Variants in IL22RA1 observed in about 807,000 individuals in gnomAD.
IL22RA1 encodes the protein interleukin-22 receptor subunit alpha-1.
Under a neutral mutation model 32.8 loss-of-function variants are expected in IL22RA1, and 25 were observed. The ratio of observed to expected loss-of-function variants is 0.76; its 90% CI spans 0.55 to 1.06. IL22RA1 has a LOEUF of 1.06. Ranked by LOEUF, IL22RA1 falls within the 50% of genes least tolerant of loss-of-function variation. IL22RA1 has a pLI of 0.00. For missense variants in IL22RA1, 709 were observed against 727.4 expected (o/e 0.97, Z 0.29); for synonymous variants, 305 against 305.0 (o/e 1.00, Z 0.00).
rs773039711 is a variant in IL22RA1 at position 24,138,617 on chromosome 1, G to A, written c.141C>T (p.Gly47=). ...NILTWDSGPE[G]TPDTVYSIEY... is the part of the protein sequence containing the mutation. ...CGATGCTGTAGACCGTGTCTGGGGT[G>A]CCCTCCGGCCCGCTGTCCCACGTCA... is the stretch of plus-strand genomic sequence containing the variant. The change falls in exon 2 of 7, where the codon GGC becomes GGT. Residue 47 remains glycine (G), a synonymous_variant. Coordinates refer to ENST00000270800, the MANE Select transcript of IL22RA1 (RefSeq NM_021258.4). The A allele has an allele frequency of 1.2e-6, 2 of 1,614,154 alleles. No homozygotes were observed. The highest frequency in any genetic ancestry group is 2.2e-5 in the South Asian group (2 of 91,084).
chr1:24,142,376 GTC>G (rs2148577305), intron 1 of IL22RA1, among the ~76,000 whole-genome samples: 1 of 152,356 alleles, frequency 6.6e-6, no homozygotes, highest in Admixed American at 6.5e-5. Context: ...CAGAGAGAGA[GTC>G]TAGGGTCTCA....
Position 24,143,140 on chromosome 1 carries a change from T to C in IL22RA1, c.-58A>G. The C allele has an allele frequency of 8.0e-7, 1 of 1,244,446 alleles. No individual in the cohort carries two copies. The highest frequency in any genetic ancestry group is 5.1e-5 in the East Asian group (1 of 19,540). The allele number at this position is 1,244,446 out of a possible 1,614,324, so 77.1% of individuals were successfully genotyped here. A position where few individuals can be genotyped will look rare whatever the true frequency, so the allele number is the denominator to read the frequency against. The stretch of plus-strand genomic sequence containing the variant: ...ACTCTGCCGTGCACAGAGAGAGGGC[T>C]GGGAGTCTTGGCGCCCTGGCAGCTG... On this transcript the variant is annotated 5_prime_UTR_variant, in exon 1 of 7. Coordinates refer to ENST00000270800, the MANE Select transcript of IL22RA1 (RefSeq NM_021258.4).
intron 5 of IL22RA1, among the ~76,000 whole-genome samples, chr1:24,127,380 T>C (rs1405323584): frequency 6.6e-6 from 1 of 151,690 alleles, no homozygotes; most frequent in African/African-American, 2.4e-5. Flanking sequence ...GGTGCAAACA[T>C]AGCTCTTTGC....
intron 6 of IL22RA1, among the ~76,000 whole-genome samples, chr1:24,122,045 G>A (rs907598513): frequency 7.9e-5 from 12 of 152,174 alleles, no homozygotes; most frequent in African/African-American, 2.2e-4. Flanking sequence ...GTTGCCTTGG[G>A]GCATGATCTC....
At chr1:24,132,131 C>A (rs142229208) in intron 4 of IL22RA1, among the ~76,000 whole-genome samples, 1 of 152,198 alleles carries the variant, frequency 6.6e-6, no homozygotes, top group Non-Finnish European at 1.5e-5. Context: ...GTTTATCTCC[C>A]GGGGTCCCTC....
At chr1:24,132,218 C>G (rs1644210171) in intron 4 of IL22RA1, among the ~76,000 whole-genome samples, 1 of 152,208 alleles carries the variant, frequency 6.6e-6, no homozygotes, top group East Asian at 1.9e-4. Flanking sequence ...CCCAGGGATG[C>G]AAGTGCAATA....
chr1:24,128,186 C>A lies in IL22RA1; in HGVS notation c.625G>T (p.Ala209Ser), dbSNP rs34379702. 1.7e-3 allele frequency: 2,755 copies of A among 1,597,466 alleles called. 45 individuals carry two copies. The African/African-American group carries it at 0.031, about 18-fold the overall frequency. ...CACATGTAGGGGGCACTCTCCTTGGCCCAGGTGGGAACGCAAATCATGATG... is the reference window on the plus strand; with the variant it reads ...CACATGTAGGGGGCACTCTCCTTGGACCAGGTGGGAACGCAAATCATGATG... ...GTIMICVPTW[A>S]KESAPYMCRV... Residue 209 changes from alanine to serine, a missense_variant, in exon 5 of 7, where the codon GCC becomes TCC. Transcript: ENST00000270800.
At position 24,142,889 on chromosome 1, in the gene IL22RA1, T is replaced by C. The variant is rs1451343401; in HGVS notation, c.43+151A>G. ...CCAGCAAACTAAGCTGGGCATTTGCTTCTCCGTGAACACCCGGCACCCTGC... is the reference window on the plus strand; with the variant it reads ...CCAGCAAACTAAGCTGGGCATTTGCCTCTCCGTGAACACCCGGCACCCTGC... On this transcript the variant is annotated intron_variant, in intron 1 of 6. Transcript: ENST00000270800. 43 of 752,626 alleles carry C rather than the reference T, an allele frequency of 5.7e-5. No homozygotes were observed. The East Asian group carries it at 1.2e-3, about 20-fold the overall frequency. 46.6% of individuals were successfully genotyped at this position (752,626 alleles called of 1,614,324 possible). A position where few individuals can be genotyped will look rare whatever the true frequency, so the allele number is the denominator to read the frequency against.
chr1:24,137,873 G>A (rs75773690), intron 2 of IL22RA1, among the ~76,000 whole-genome samples: 3,294 of 152,284 alleles, frequency 0.022, 61 homozygotes, highest in South Asian at 0.072. Flanking sequence ...AATTGCCCAC[G>A]TGTTTGAAGT....
rs564038877 is a variant in IL22RA1 at position 24,132,323 on chromosome 1, T to TTG, written c.531+1886_531+1887dup. Among the ~76,000 whole-genome samples the TTG allele has an allele frequency of 3.5e-3, 534 of 150,568 alleles. 3 individuals carry two copies. The highest frequency in any genetic ancestry group is 0.012 in the African/African-American group (499 of 40,624). On this transcript the variant is annotated intron_variant, in intron 4 of 6. Transcript: ENST00000270800. ...TGCTGTTTGTTTGGGACCATGGTTT[T>TTG]TGTGTGTGTGTTTTTTTTTTTTTTT...
At position 24,120,717 on chromosome 1, in the gene IL22RA1, G is replaced by A; in HGVS notation, c.*88C>T. On this transcript the variant is annotated 3_prime_UTR_variant, in exon 7 of 7. Coordinates refer to ENST00000270800, the MANE Select transcript of IL22RA1 (RefSeq NM_021258.4). ...CCCGTCTGAGGCCAGATCGCAGAGT[G>A]TGTGGCGTGGGCAGGCATGGGATTG... 2 of 1,263,292 alleles carry A rather than the reference G, an allele frequency of 1.6e-6. No homozygotes were observed. Among genetic ancestry groups the A allele is most frequent in the Non-Finnish European group, 2.2e-6 (2 of 902,050 alleles). The allele number at this position is 1,263,292 out of a possible 1,614,324, so 78.3% of individuals were successfully genotyped here.
chr1:24,125,994 C>T (rs1039529377), intron 5 of IL22RA1, among the ~76,000 whole-genome samples: 1 of 152,146 alleles, frequency 6.6e-6, no homozygotes, highest in African/African-American at 2.4e-5. Flanking sequence ...ATAAGCAAGA[C>T]AAAGTAAGGC....
At position 24,121,632 on chromosome 1, in the gene IL22RA1, G is replaced by A; in HGVS notation, c.898C>T (p.Gln300Ter). The A allele has an allele frequency of 6.2e-7, 1 of 1,612,698 alleles. No homozygotes were observed. Among genetic ancestry groups the A allele is most frequent in the Non-Finnish European group, 8.5e-7 (1 of 1,179,088 alleles). ...CCAGACACCCTGATCTGGGAGTACT[G>A]GACAGGCTGGGCCAGACTGCTGGGG... Reference protein sequence around the residue: ...SGPSSLAQPVQYSQIRVSGPR... With the variant: ...SGPSSLAQPV The change falls in exon 7 of 7, where the codon CAG becomes TAG. Residue 300 changes from glutamine to a stop codon, truncating the protein, a stop_gained. Coordinates refer to ENST00000270800, the MANE Select transcript of IL22RA1 (RefSeq NM_021258.4). LOFTEE classifies it low-confidence loss of function (END_TRUNC).
intron 1 of IL22RA1, among the ~76,000 whole-genome samples, chr1:24,140,657 G>T (rs1369174841): frequency 6.6e-6 from 1 of 152,158 alleles, no homozygotes. Flanking sequence ...AATCTGCACT[G>T]TAAACAAAGA....
At chr1:24,132,300 CTGTT>C (rs1456660457) in intron 4 of IL22RA1, among the ~76,000 whole-genome samples, 1 of 150,488 alleles carries the variant, frequency 6.6e-6, no homozygotes, top group Admixed American at 6.6e-5. Flanking sequence ...GATTCTGATG[CTGTT>C]TGTTTGGGAC....
intron 4 of IL22RA1, among the ~76,000 whole-genome samples, chr1:24,128,616 A>G (rs1292112701): frequency 6.6e-6 from 1 of 151,678 alleles, no homozygotes; most frequent in Non-Finnish European, 1.5e-5. Flanking sequence ...CCACGCTCCC[A>G]CTATCCCTCC....
At chr1:24,123,634 A>G (rs1644141985) in intron 5 of IL22RA1, 4 of 1,135,454 alleles carry the variant, frequency 3.5e-6, no homozygotes, top group East Asian at 6.1e-5. Context: ...ACACTGTTAA[A>G]TAAATAAAAT....
At chr1:24,126,774 C>T (rs887311140) in intron 5 of IL22RA1, among the ~76,000 whole-genome samples, 2 of 152,100 alleles carry the variant, frequency 1.3e-5, no homozygotes, top group African/African-American at 2.4e-5. Context: ...CGTTTCCCTC[C>T]GTCTATGAAA....
At chr1:24,141,299 G>A (rs1644279790) in intron 1 of IL22RA1, among the ~76,000 whole-genome samples, 11 of 152,218 alleles carry the variant, frequency 7.2e-5, no homozygotes, top group Admixed American at 7.2e-4. Context: ...TGAGTCTAAA[G>A]TTGAGGAAAG....
Sources: gnomAD v4.1 joint callset for allele counts (sites outside exome capture counted in the v4.1 genomes callset) on GRCh38, gnomAD v4.1.1 for gene constraint, MANE v1.5 for transcripts, NCBI Gene and HGNC (gene_info 2026-07-23, HGNC 2026-07-21) for gene names.